Variants in TTLL12 observed in about 807,000 individuals in gnomAD.
TTLL12 encodes the protein tubulin--tyrosine ligase-like protein 12.
Under a neutral mutation model 79.6 loss-of-function variants are expected in TTLL12, and 77 were observed. That is an observed-to-expected ratio of 0.97 (90% confidence interval 0.81 to 1.17). TTLL12 has a LOEUF of 1.17. Among genes scored for constraint, TTLL12 ranks in the 50% most tolerant of loss-of-function variants. The pLI is 0.00. For synonymous variants in TTLL12, 437 were observed against 376.1 expected (o/e 1.16, Z -1.87); for missense variants, 969 against 895.9 (o/e 1.08, Z -1.04).
Position 43,180,801 on chromosome 22 carries a change from C to T in TTLL12, c.487G>A (p.Val163Met), listed in dbSNP as rs769972746. 5.3e-5 allele frequency: 85 copies of T among 1,613,156 alleles called. No individual in the cohort carries two copies. The highest frequency in any genetic ancestry group is 2.5e-4 in the Admixed American group (15 of 60,004). ...FHGELPSTEA[V>M]ALVLEEMWKF... is the part of the protein sequence containing the mutation. ...CACATCTCCTCCAGCACCAGGGCCA[C>T]AGCCTCTGTACTGGGCAGCTCACCG... The change falls in exon 3 of 14, where the codon GTG becomes ATG. Residue 163 changes from valine to methionine, a missense_variant. Val to Met is a conservative substitution (Grantham distance 21, BLOSUM62 1). Coordinates refer to ENST00000216129, the MANE Select transcript of TTLL12 (RefSeq NM_015140.4).
Position 43,179,693 on chromosome 22 carries a change from G to A in TTLL12, c.766C>T (p.Leu256=). 1 of 1,571,738 alleles carries A rather than the reference G, an allele frequency of 6.4e-7. No individual in the cohort carries two copies. The highest frequency in any genetic ancestry group is 1.2e-5 in the South Asian group (1 of 85,440). ...ETDPLIRKCM[L]LPWAPTDMLD... is the part of the protein sequence containing the mutation. ...ATGTCGGTGGGGGCCCAGGGCAGCA[G>A]CATGCACTTCCGGATCAGGGGGTCC... Residue 256 remains leucine (L), a synonymous_variant, in exon 5 of 14, where the codon CTG becomes TTG. Coordinates refer to ENST00000216129, the MANE Select transcript of TTLL12 (RefSeq NM_015140.4).
intron 2 of TTLL12, among the ~76,000 whole-genome samples, chr22:43,182,117 C>T (rs914682082): frequency 1.3e-5 from 2 of 151,280 alleles, no homozygotes; most frequent in African/African-American, 4.8e-5. Context: ...CCACCCAAAA[C>T]AAGGCTGGCA....
At chr22:43,180,706 G>A (rs1569486477) in intron 3 of TTLL12, 36 bp downstream of exon 3, 4 of 1,607,314 alleles carry the variant, frequency 2.5e-6, no homozygotes, top group South Asian at 1.1e-5. Context: ...GCCCATGCCT[G>A]TCCTCCCCCT....
chr22:43,183,671 A>G (rs1440993475), intron 1 of TTLL12, among the ~76,000 whole-genome samples: 1 of 152,242 alleles, frequency 6.6e-6, no homozygotes, highest in Non-Finnish European at 1.5e-5. Flanking sequence ...ATCCAGGCCA[A>G]CAGGAAGCGA....
At position 43,171,511 on chromosome 22, in the gene TTLL12, G is replaced by C. The variant is rs535757456; in HGVS notation, c.1575+308C>G. The C allele has an allele frequency of 2.0e-3, 565 of 284,804 alleles. 3 individuals are homozygous for C. Among genetic ancestry groups the C allele is most frequent in the Non-Finnish European group, 3.3e-3 (491 of 146,662 alleles). 17.6% of individuals were successfully genotyped at this position (284,804 alleles called of 1,614,324 possible). ...CTGCTTTTCCGGTTGAAGTGGTGGT[G>C]AGGAGTAAGCCCCGGCTGGGAACAC... is the stretch of plus-strand genomic sequence containing the variant. On this transcript the variant is annotated intron_variant, in intron 11 of 13. Coordinates refer to ENST00000216129, the MANE Select transcript of TTLL12 (RefSeq NM_015140.4).
Position 43,172,202 on chromosome 22 carries a change from A to G in TTLL12, c.1493+201T>C, listed in dbSNP as rs77450463. ...GTTCACATCCATTACTGTGGGCAACACCAGAACTCTGAGGTGGGCAGGGCA... is the reference window on the plus strand; with the variant it reads ...GTTCACATCCATTACTGTGGGCAACGCCAGAACTCTGAGGTGGGCAGGGCA... On this transcript the variant is annotated intron_variant, in intron 10 of 13. Coordinates refer to ENST00000216129, the MANE Select transcript of TTLL12 (RefSeq NM_015140.4). Among the ~76,000 whole-genome samples the G allele has an allele frequency of 3.8e-3, 575 of 152,360 alleles. 4 individuals carry two copies. Among genetic ancestry groups the G allele is most frequent in the African/African-American group, 0.013 (545 of 41,584 alleles).
chr22:43,174,516 T>C lies in TTLL12; in HGVS notation c.1017A>G (p.Ser339=). The change falls in exon 7 of 14, where the codon TCA becomes TCG. Residue 339 remains serine, a synonymous_variant. Transcript: ENST00000216129. ...EADADILFNF[S]HFKDYRKLSQ... ...GCCCTCACCTGTAGTCCTTGAAGTGTGAGAAGTTGAAGAGGATGTCGGCGT... is the reference window on the plus strand; with the variant it reads ...GCCCTCACCTGTAGTCCTTGAAGTGCGAGAAGTTGAAGAGGATGTCGGCGT... 1 of 1,612,536 alleles carries C rather than the reference T, an allele frequency of 6.2e-7. No individual in the cohort carries two copies. The highest frequency in any genetic ancestry group is 8.5e-7 in the Non-Finnish European group (1 of 1,179,126).
chr22:43,183,185 C>T, intron 1 of TTLL12, 36 bp from the exon 2 acceptor site: 1 of 1,609,082 alleles, frequency 6.2e-7, no homozygotes, highest in South Asian at 1.1e-5. Flanking sequence ...GGGGTGTGGG[C>T]AGGAGACCCC....
In TTLL12 at chr22:43,176,333, C is replaced by G. The variant is rs777979776; in HGVS notation, c.904G>C (p.Gly302Arg). ...GGGGCTACGCACTTGAAGATGTGGCCGTGGGGGTGCACCACGGGGTTGATG... is the reference window on the plus strand; with the variant it reads ...GGGGCTACGCACTTGAAGATGTGGCGGTGGGGGTGCACCACGGGGTTGATG... ...LDINPVVHPH[G>R]HIFKVYTDVQ... Residue 302 changes from glycine (G) to arginine (R), a missense_variant, in exon 6 of 14, where the codon GGC (glycine) becomes CGC (arginine). By Grantham distance (125) the Gly-to-Arg change is moderately radical. Coordinates refer to ENST00000216129, the MANE Select transcript of TTLL12 (RefSeq NM_015140.4). 1.9e-6 allele frequency: 3 copies of G among 1,599,418 alleles called. No homozygotes were observed. The highest frequency in any genetic ancestry group is 2.6e-6 in the Non-Finnish European group (3 of 1,174,554).
intron 12 of TTLL12, among the ~76,000 whole-genome samples, chr22:43,169,187 G>T (rs1931698147): frequency 6.6e-6 from 1 of 152,216 alleles, no homozygotes; most frequent in Non-Finnish European, 1.5e-5. Flanking sequence ...GCCGCTGCTG[G>T]ACATGGAGGC....
At chr22:43,175,915 C>T (rs149479015) in intron 6 of TTLL12, among the ~76,000 whole-genome samples, 113 of 150,364 alleles carry the variant, frequency 7.5e-4, no homozygotes, top group East Asian at 3.6e-3. Flanking sequence ...GTTGAACTCC[C>T]GATCTCAGGC....
At position 43,179,676 on chromosome 22, in the gene TTLL12, G is replaced by A. The variant is rs145049171; in HGVS notation, c.783C>T (p.Pro261=). ...AAGAGCTGAGGTCCAGCATGTCGGT[G>A]GGGGCCCAGGGCAGCAGCATGCACT... ...IRKCMLLPWA[P]TDMLDLSSCT... is the part of the protein sequence containing the mutation. Residue 261 remains proline, a synonymous_variant, in exon 5 of 14, where the codon CCC becomes CCT. Coordinates refer to ENST00000216129, the MANE Select transcript of TTLL12 (RefSeq NM_015140.4). The A allele has an allele frequency of 3.7e-4, 581 of 1,577,878 alleles. 5 individuals carry two copies. The East Asian group carries it at 0.012, about 33-fold the overall frequency.
chr22:43,186,189 A>ACACCCC (rs1555982108), intron 1 of TTLL12, among the ~76,000 whole-genome samples: 1 of 82,140 alleles, frequency 1.2e-5, no homozygotes. Context: ...TAAAGAAAAC[A>ACACCCC]CCCCCCCCCC....
At chr22:43,186,716 C>T (rs1932194235) in intron 1 of TTLL12, among the ~76,000 whole-genome samples, 177 bp downstream of exon 1, 1 of 152,162 alleles carries the variant, frequency 6.6e-6, no homozygotes, top group Admixed American at 6.5e-5. Flanking sequence ...GTACCCCGGT[C>T]TCCTGCTGTC....
chr22:43,172,887 G>A (rs973279224), intron 9 of TTLL12, among the ~76,000 whole-genome samples: 1 of 152,018 alleles, frequency 6.6e-6, no homozygotes. Context: ...TAGTAGAGAA[G>A]GGGTTTCTCC....
rs1426415495 is a variant in TTLL12, at chr22:43,182,986, G to C, written c.341C>G (p.Pro114Arg). ...TRESGLQAAHPNSIFLIDHAW... is the reference protein window; with the variant it reads ...TRESGLQAAHRNSIFLIDHAW... ...TCTCTGGCCAGGCTCCTACCTGTTG[G>C]GGTGGGCTGCCTGGAGCCCGCTCTC... The change falls in exon 2 of 14, where the codon CCC becomes CGC. Residue 114 changes from proline (P) to arginine (R), a missense_variant. Pro to Arg is a moderately radical substitution (Grantham distance 103). Transcript: ENST00000216129. 6.2e-7 allele frequency: 1 copy of C among 1,613,374 alleles called. No homozygotes were observed. Among genetic ancestry groups the C allele is most frequent in the Non-Finnish European group, 8.5e-7 (1 of 1,179,564 alleles).
intron 11 of TTLL12, chr22:43,170,339 G>A: frequency 4.9e-6 from 1 of 203,024 alleles, no homozygotes; most frequent in East Asian, 1.3e-4. Flanking sequence ...GAAGCAACAG[G>A]ACCACTCGGC....
chr22:43,172,010 AC>A (rs1931779673), intron 10 of TTLL12, 110 bp from the exon 11 acceptor site: 2 of 885,276 alleles, frequency 2.3e-6, no homozygotes, highest in Admixed American at 2.0e-5. Context: ...TCAGGGCAGG[AC>A]CACCTGCTGC....
chr22:43,180,095 T>C (rs1376092638), intron 3 of TTLL12, 95 bp from the exon 4 acceptor site: 5 of 1,432,372 alleles, frequency 3.5e-6, no homozygotes, highest in Non-Finnish European at 2.8e-6. Context: ...CCCACAGCCA[T>C]TTCTCTGATC....
Sources: allele counts gnomAD v4.1 joint callset (sites outside exome capture counted in the v4.1 genomes callset), GRCh38; gene constraint gnomAD v4.1.1; transcripts MANE v1.5; gene names NCBI Gene and HGNC (gene_info 2026-07-23, HGNC 2026-07-21).